The following BCL10 variants were observed in gnomAD, a reference collection of about 807,000 sequenced individuals.
The protein encoded by BCL10 is B-cell lymphoma/leukemia 10.
A neutral mutation model predicts 19.2 loss-of-function variants in BCL10; 5 were observed. The observed-to-expected ratio is 0.26, with a 90% CI of 0.14 to 0.55. The LOEUF is 0.55. BCL10 is among the 20% of genes least tolerant of loss of function. BCL10 has a pLI of 0.94. For synonymous variants in BCL10, 110 were observed against 98.8 expected (o/e 1.11, Z -0.67); for missense variants, 201 against 271.9 (o/e 0.74, Z 1.83).
chr1:85,270,611 A>C lies in BCL10; in HGVS notation c.346+7T>G, dbSNP rs776408755. 3 of 1,588,292 alleles carry C rather than the reference A, an allele frequency of 1.9e-6. No homozygotes were observed. Among genetic ancestry groups the C allele is most frequent in the Non-Finnish European group, 2.6e-6 (3 of 1,167,102 alleles). ...AAATTAGCTCTTAGATAATTAAGATATCTTACCTTTCAGATGTTCTAGTTT... is the reference window on the plus strand; with the variant it reads ...AAATTAGCTCTTAGATAATTAAGATCTCTTACCTTTCAGATGTTCTAGTTT... On this transcript the variant is annotated splice_region_variant and intron_variant, in intron 2 of 2. Transcript: ENST00000648566.
chr1:85,268,682 C>T lies in BCL10; in HGVS notation c.347-700G>A, dbSNP rs555770296. Reference sequence around the variant, plus strand: ...ACTCAGGAGGCTGAAGTAGGAGAATCGCTTGAACCTGGGAGGCAGAGGTTG... The same window carrying T: ...ACTCAGGAGGCTGAAGTAGGAGAATTGCTTGAACCTGGGAGGCAGAGGTTG... On this transcript the variant is annotated intron_variant, in intron 2 of 2. Coordinates refer to ENST00000648566, the MANE Select transcript of BCL10 (RefSeq NM_003921.5). Among the ~76,000 whole-genome samples the T allele has an allele frequency of 1.0e-3, 154 of 149,784 alleles. 2 individuals are homozygous for T. The highest frequency in any genetic ancestry group is 3.1e-3 in the African/African-American group (127 of 40,378).
chr1:85,266,688 A>G lies in BCL10; in HGVS notation c.*939T>C, dbSNP rs368028611. On this transcript the variant is annotated 3_prime_UTR_variant, in exon 3 of 3. Coordinates refer to ENST00000648566, the MANE Select transcript of BCL10 (RefSeq NM_003921.5). ...GGAGTTCAAGACCAGCCTGGCCAAC[A>G]TGGCAAAACACCGTCTCTACAAAAA... 22 of 179,824 alleles carry G rather than the reference A, an allele frequency of 1.2e-4. No homozygotes were observed. In the East Asian group the frequency reaches 1.6e-3, roughly 13 times the overall value. The allele number at this position is 179,824 out of a possible 1,614,324, so 11.1% of individuals were successfully genotyped here.
rs1660190606 is a variant in BCL10 at position 85,266,378 on chromosome 1, G to A, written c.*1249C>T. 1 of 187,658 alleles carries A rather than the reference G, an allele frequency of 5.3e-6. No individual in the cohort carries two copies. The highest frequency in any genetic ancestry group is 2.3e-5 in the African/African-American group (1 of 42,778). The allele number at this position is 187,658 out of a possible 1,614,324, so 11.6% of individuals were successfully genotyped here. On this transcript the variant is annotated 3_prime_UTR_variant, in exon 3 of 3. Coordinates refer to ENST00000648566, the MANE Select transcript of BCL10 (RefSeq NM_003921.5). Reference sequence around the variant, plus strand: ...TAATTTAAATAAAAACAAACAGTGAGAGCATAAGATTTATAAACATGTAAA... The same window carrying A: ...TAATTTAAATAAAAACAAACAGTGAAAGCATAAGATTTATAAACATGTAAA...
chr1:85,276,001 T>C (rs4949928), intron 1 of BCL10, among the ~76,000 whole-genome samples: 42,191 of 152,100 alleles, frequency 0.28, 6,047 homozygotes, highest in Non-Finnish European at 0.31. Context: ...AAGAACCCAG[T>C]TGGGGGGAAA....
chr1:85,274,000 CA>C (rs1372135668), intron 1 of BCL10, among the ~76,000 whole-genome samples: 1 of 152,220 alleles, frequency 6.6e-6, no homozygotes, highest in Admixed American at 6.5e-5. Flanking sequence ...CCCAAGTCAC[CA>C]GGGTCTTGCC....
intron 1 of BCL10, among the ~76,000 whole-genome samples, chr1:85,271,824 T>G (rs953885384): frequency 6.6e-6 from 1 of 152,188 alleles, no homozygotes; most frequent in Non-Finnish European, 1.5e-5. Flanking sequence ...GGCAGGAAAG[T>G]AGGCTAGGTG....
intron 1 of BCL10, among the ~76,000 whole-genome samples, chr1:85,272,949 C>T (rs1051300903): frequency 3.3e-5 from 5 of 152,180 alleles, no homozygotes; most frequent in Non-Finnish European, 7.4e-5. Flanking sequence ...CTACCTTTGT[C>T]CTGAAAATTT....
At chr1:85,270,551 C>G (rs891179815) in intron 2 of BCL10, 67 bp downstream of exon 2, 39 of 1,450,040 alleles carry the variant, frequency 2.7e-5, no homozygotes, top group Non-Finnish European at 3.3e-5. Flanking sequence ...AGGCACCTGG[C>G]CTGCTCTGCA....
At chr1:85,269,774 C>T (rs1293627550) in intron 2 of BCL10, among the ~76,000 whole-genome samples, 1 of 152,194 alleles carries the variant, frequency 6.6e-6, no homozygotes, top group African/African-American at 2.4e-5. Context: ...CAATTCCACA[C>T]AATATTCCAA....
chr1:85,274,161 C>T (rs547504744), intron 1 of BCL10, among the ~76,000 whole-genome samples: 25 of 152,282 alleles, frequency 1.6e-4, no homozygotes, highest in African/African-American at 6.0e-4. Context: ...CTGTTTGATT[C>T]CTTCATAGTA....
chr1:85,269,884 A>G (rs965013844), intron 2 of BCL10, among the ~76,000 whole-genome samples: 1 of 152,228 alleles, frequency 6.6e-6, no homozygotes, highest in Non-Finnish European at 1.5e-5. Context: ...AGACTAGTTT[A>G]AAGTCATGAA....
rs542842353 is a variant in BCL10 at position 85,267,520 on chromosome 1, TAA to T, written c.*105_*106del. On this transcript the variant is annotated 3_prime_UTR_variant, in exon 3 of 3. Coordinates refer to ENST00000648566, the MANE Select transcript of BCL10 (RefSeq NM_003921.5). The stretch of plus-strand genomic sequence containing the variant: ...TACAAAGTATGCTTACATTGCATTT[TAA>T]AAGACATGCATCAAATGTAAACAAA... The T allele has an allele frequency of 3.6e-4, 332 of 932,958 alleles. 1 individual carries two copies. In the African/African-American group the frequency reaches 4.3e-3, roughly 12 times the overall value. The allele number at this position is 932,958 out of a possible 1,614,324, so 57.8% of individuals were successfully genotyped here. A position where few individuals can be genotyped will look rare whatever the true frequency, so the allele number is the denominator to read the frequency against.
In BCL10 at chr1:85,267,620, T is replaced by C. The variant is rs2100742955; in HGVS notation, c.*7A>G. 3.2e-6 allele frequency: 5 copies of C among 1,555,426 alleles called. No homozygotes were observed. Among genetic ancestry groups the C allele is most frequent in the Non-Finnish European group, 4.3e-6 (5 of 1,152,866 alleles). On this transcript the variant is annotated 3_prime_UTR_variant, in exon 3 of 3. Coordinates refer to ENST00000648566, the MANE Select transcript of BCL10 (RefSeq NM_003921.5). Reference sequence around the variant, plus strand: ...GTCATCATTAAAAATTAAAAGGCAATAAAGTGTCATTGTCGTGAAACAGTA... The same window carrying C: ...GTCATCATTAAAAATTAAAAGGCAACAAAGTGTCATTGTCGTGAAACAGTA...
chr1:85,270,755 T>C lies in BCL10; in HGVS notation c.209A>G (p.Asp70Gly). 1 of 1,614,152 alleles carries C rather than the reference T, an allele frequency of 6.2e-7. No homozygotes were observed. The highest frequency in any genetic ancestry group is 8.5e-7 in the Non-Finnish European group (1 of 1,180,020). Residue 70 changes from aspartate (D) to glycine (G), a missense_variant, in exon 2 of 3, where the codon GAC becomes GGC. By Grantham distance (94) the Asp-to-Gly change is moderately conservative. Coordinates refer to ENST00000648566, the MANE Select transcript of BCL10 (RefSeq NM_003921.5). ...ACCTTTTGGGTTTTCCTGTAAGTAG[T>C]CTAACAATTTTCCAGCCCTTTTTCT... ...SSRKRAGKLL[D>G]YLQENPKGLD...
chr1:85,268,371 A>T (rs1315893909), intron 2 of BCL10, among the ~76,000 whole-genome samples: 2 of 152,252 alleles, frequency 1.3e-5, no homozygotes, highest in Non-Finnish European at 2.9e-5. Context: ...GCAGATGCTA[A>T]AATTCTATCT....
At chr1:85,271,053 G>C in intron 1 of BCL10, 147 bp from the exon 2 acceptor site, 1 of 761,540 alleles carries the variant, frequency 1.3e-6, no homozygotes, top group Non-Finnish European at 2.1e-6. Context: ...TAATTAAGAT[G>C]AAAGTCCAAG....
chr1:85,271,298 TGA>T (rs1479619415), intron 1 of BCL10, among the ~76,000 whole-genome samples: 1 of 152,226 alleles, frequency 6.6e-6, no homozygotes, highest in Non-Finnish European at 1.5e-5. Context: ...AATAACTTAG[TGA>T]GAGGTCTCAC....
In BCL10 at chr1:85,266,587, T is replaced by C. The variant is rs929097585; in HGVS notation, c.*1040A>G. 5.5e-6 allele frequency: 1 copy of C among 180,798 alleles called. No homozygotes were observed. The highest frequency in any genetic ancestry group is 6.3e-5 in the Admixed American group (1 of 15,936). 11.2% of individuals were successfully genotyped at this position (180,798 alleles called of 1,614,324 possible). On this transcript the variant is annotated 3_prime_UTR_variant, in exon 3 of 3. Coordinates refer to ENST00000648566, the MANE Select transcript of BCL10 (RefSeq NM_003921.5). ...GAGAAAATATTTTTTAAAAATCTCA[T>C]CAGGCTAGGTGAGGTGGCTCGTGTC...
intron 1 of BCL10, among the ~76,000 whole-genome samples, chr1:85,273,390 G>A (rs1055563839): frequency 6.6e-6 from 1 of 152,122 alleles, no homozygotes; most frequent in African/African-American, 2.4e-5. Context: ...CATCCCTGTG[G>A]ATACAACTTT....
Sources: allele counts gnomAD v4.1 joint callset (sites outside exome capture counted in the v4.1 genomes callset), GRCh38; gene constraint gnomAD v4.1.1; transcripts MANE v1.5; gene names NCBI Gene and HGNC (gene_info 2026-07-23, HGNC 2026-07-21).